Variants in CDK14 observed in about 807,000 individuals in gnomAD.
CDK14 encodes the protein cyclin dependent kinase 14, also known as cyclin-dependent kinase 14.
In CDK14, 34 loss-of-function variants were observed where a neutral mutation model predicts 60.7. The observed-to-expected ratio is 0.56, with a 90% confidence interval of 0.43 to 0.75. The LOEUF is 0.75. Ranked by LOEUF, CDK14 falls within the 30% of genes least tolerant of loss-of-function variation. The pLI, the probability that CDK14 is intolerant of heterozygous loss-of-function variation, is 0.00. For missense variants in CDK14, 482 were observed against 564.1 expected (o/e 0.85, Z 1.47); for synonymous variants, 197 against 203.7 (o/e 0.97, Z 0.28).
intron 14 of CDK14, among the ~76,000 whole-genome samples, chr7:91,180,814 G>A (rs1801978367): frequency 6.6e-6 from 1 of 152,056 alleles, no homozygotes. Flanking sequence ...AGGCCAAAGG[G>A]GCAGACATAG....
At chr7:91,204,540 G>T (rs1368276418) in intron 14 of CDK14, among the ~76,000 whole-genome samples, 2 of 152,184 alleles carry the variant, frequency 1.3e-5, no homozygotes, top group Admixed American at 1.3e-4. Context: ...ACCAGAATGT[G>T]TAAAGAACTC....
intron 14 of CDK14, among the ~76,000 whole-genome samples, chr7:91,203,136 T>A (rs1306023209): frequency 2.0e-5 from 3 of 151,172 alleles, no homozygotes; most frequent in East Asian, 3.9e-4. Context: ...AAAAAAAAAA[T>A]GTAAGTTTTG....
intron 2 of CDK14, among the ~76,000 whole-genome samples, chr7:90,649,378 C>CTTCCT (rs1584768408): frequency 2.2e-5 from 1 of 44,716 alleles, no homozygotes; most frequent in African/African-American, 1.1e-4. Flanking sequence ...TCCTTCCTTC[C>CTTCCT]TTCCTTCCTT....
intron 10 of CDK14, among the ~76,000 whole-genome samples, chr7:91,011,093 T>C (rs369453348): frequency 5.9e-5 from 9 of 151,910 alleles, no homozygotes; most frequent in African/African-American, 2.2e-4. Context: ...TGCAGACAAT[T>C]TTTATCGGGA....
At chr7:90,971,481 A>G (rs1794930778) in intron 9 of CDK14, among the ~76,000 whole-genome samples, 1 of 152,186 alleles carries the variant, frequency 6.6e-6, no homozygotes, top group South Asian at 2.1e-4. Flanking sequence ...TGCCATGGAC[A>G]AAGACTAACA....
chr7:90,996,723 T>C (rs1795695662), intron 10 of CDK14, among the ~76,000 whole-genome samples: 1 of 152,234 alleles, frequency 6.6e-6, no homozygotes, highest in African/African-American at 2.4e-5. Context: ...GTACTGGAAG[T>C]GTTGAAAACT....
chr7:90,812,930 G>A (rs1286848371), intron 5 of CDK14, among the ~76,000 whole-genome samples: 2 of 152,146 alleles, frequency 1.3e-5, no homozygotes, highest in Admixed American at 1.3e-4. Context: ...CTACCCAAGA[G>A]AGATGAAAAC....
intron 8 of CDK14, among the ~76,000 whole-genome samples, chr7:90,948,667 A>G (rs943592883): frequency 1.3e-5 from 2 of 152,354 alleles, no homozygotes; most frequent in East Asian, 3.9e-4. Flanking sequence ...ATGTGAGTGA[A>G]TGGATGTAGC....
chr7:90,912,923 T>C (rs999044447), intron 7 of CDK14, among the ~76,000 whole-genome samples: 1 of 152,176 alleles, frequency 6.6e-6, no homozygotes, highest in Non-Finnish European at 1.5e-5. Flanking sequence ...GATTAAGCTA[T>C]TTATATAAAA....
intron 2 of CDK14, among the ~76,000 whole-genome samples, chr7:90,604,729 T>A (rs976653674): frequency 7.2e-5 from 11 of 152,224 alleles, no homozygotes; most frequent in African/African-American, 2.7e-4. Context: ...GTATATCAGA[T>A]CCGTCTTGAT....
At chr7:90,963,636 G>A (rs1299039683) in intron 9 of CDK14, among the ~76,000 whole-genome samples, 4 of 149,240 alleles carry the variant, frequency 2.7e-5, no homozygotes, top group Admixed American at 6.7e-5. Context: ...TATATGTGCC[G>A]TAATAAATTA....
intron 5 of CDK14, among the ~76,000 whole-genome samples, chr7:90,848,029 A>G (rs867634672): frequency 6.6e-6 from 1 of 152,016 alleles, no homozygotes; most frequent in South Asian, 2.1e-4. Flanking sequence ...ATTAACGTTT[A>G]TCTCTGCCTT....
chr7:91,058,677 A>T (rs1246583923), intron 11 of CDK14, among the ~76,000 whole-genome samples: 4 of 152,070 alleles, frequency 2.6e-5, no homozygotes, highest in Admixed American at 1.3e-4. Flanking sequence ...GGTTTTTGTC[A>T]TTGGTTCTGT....
chr7:90,987,566 C>T (rs1795407221), intron 10 of CDK14, among the ~76,000 whole-genome samples: 1 of 152,054 alleles, frequency 6.6e-6, no homozygotes, highest in African/African-American at 2.4e-5. Context: ...ATTCTTTTGA[C>T]ATTAAATGTT....
Position 90,938,102 on chromosome 7 carries a change from C to T in CDK14, c.827-17595C>T, listed in dbSNP as rs550483650. 2.6e-5 allele frequency among the ~76,000 whole-genome samples: 4 copies of T among 152,270 alleles called. No homozygotes were observed. In the East Asian group the frequency reaches 7.7e-4, roughly 29 times the overall value. On this transcript the variant is annotated intron_variant, in intron 8 of 14. Coordinates refer to ENST00000380050, the MANE Select transcript of CDK14 (RefSeq NM_001287135.2). The stretch of plus-strand genomic sequence containing the variant: ...TGTATTAAAGCTCAAATTGTAGATC[C>T]TAAATCATACCACTAACTGATAAAA...
chr7:91,042,146 A>T (rs1797109925), intron 10 of CDK14, among the ~76,000 whole-genome samples: 1 of 152,162 alleles, frequency 6.6e-6, no homozygotes, highest in South Asian at 2.1e-4. Context: ...CAGCTGGCAA[A>T]ATTAGGGCAG....
chr7:91,155,741 G>A (rs577562348), intron 14 of CDK14, among the ~76,000 whole-genome samples: 2 of 152,256 alleles, frequency 1.3e-5, no homozygotes, highest in African/African-American at 2.4e-5. Flanking sequence ...GGCCATTTTT[G>A]TGTCATTGAA....
intron 9 of CDK14, among the ~76,000 whole-genome samples, chr7:90,972,191 C>CT (rs1794951887): frequency 6.6e-6 from 1 of 152,044 alleles, no homozygotes; most frequent in South Asian, 2.1e-4. Context: ...ATTTTCATTC[C>CT]TTAAGAGCAA....
intron 12 of CDK14, among the ~76,000 whole-genome samples, chr7:91,087,204 T>G (rs1798666087): frequency 6.6e-6 from 1 of 152,216 alleles, no homozygotes; most frequent in Non-Finnish European, 1.5e-5. Flanking sequence ...GGGGAGACTT[T>G]ATAATACTGG....
Sources: gnomAD v4.1 joint callset for allele counts (sites outside exome capture counted in the v4.1 genomes callset) on GRCh38, gnomAD v4.1.1 for gene constraint, MANE v1.5 for transcripts, NCBI Gene and HGNC (gene_info 2026-07-23, HGNC 2026-07-21) for gene names.